The following RETREG1 variants were observed in gnomAD, a reference collection of about 807,000 sequenced individuals.
RETREG1 encodes reticulophagy regulator 1.
In RETREG1, 44 loss-of-function variants were observed where a neutral mutation model predicts 54.8. That is an observed-to-expected ratio of 0.80 (90% CI 0.63 to 1.03). RETREG1 has a LOEUF of 1.03. RETREG1 is among the 50% of genes least tolerant of loss of function. The probability of loss-of-function intolerance (pLI) is 0.00; values close to 1 mark genes in which losing one functional copy is unlikely to be tolerated. For synonymous variants in RETREG1, 217 were observed against 238.5 expected (o/e 0.91, Z 0.83); for missense variants, 554 against 605.1 (o/e 0.92, Z 0.89).
At chr5:16,588,077 A>G (rs2126335141) in intron 1 of RETREG1, among the ~76,000 whole-genome samples, 1 of 152,310 alleles carries the variant, frequency 6.6e-6, no homozygotes, top group Non-Finnish European at 1.5e-5. Flanking sequence ...TCACTTCCAG[A>G]GCTGGGACTG....
At chr5:16,599,216 G>GA (rs1561134965) in intron 1 of RETREG1, among the ~76,000 whole-genome samples, 1 of 152,022 alleles carries the variant, frequency 6.6e-6, no homozygotes, top group Non-Finnish European at 1.5e-5. Flanking sequence ...CAATAAAAAG[G>GA]AAAAAATAAG....
chr5:16,539,200 C>T (rs1022777561), intron 3 of RETREG1, among the ~76,000 whole-genome samples: 1 of 152,078 alleles, frequency 6.6e-6, no homozygotes, highest in Admixed American at 6.6e-5. Context: ...AGGGGGCCAC[C>T]CGAGGGAGGA....
At chr5:16,479,340 T>C (rs1399858281) in intron 5 of RETREG1, among the ~76,000 whole-genome samples, 1 of 152,134 alleles carries the variant, frequency 6.6e-6, no homozygotes, top group Non-Finnish European at 1.5e-5. Context: ...ACTCCCTCCT[T>C]TCAATCCTTT....
chr5:16,576,680 T>A (rs913245933), intron 1 of RETREG1, among the ~76,000 whole-genome samples: 1 of 152,114 alleles, frequency 6.6e-6, no homozygotes, highest in Non-Finnish European at 1.5e-5. Context: ...AGACGGGGTC[T>A]CTCCATGTTG....
chr5:16,613,601 A>C (rs1743411285), intron 1 of RETREG1, among the ~76,000 whole-genome samples: 2 of 152,250 alleles, frequency 1.3e-5, no homozygotes, highest in South Asian at 4.1e-4. Flanking sequence ...TCAGACTCCT[A>C]AAACCCACTG....
chr5:16,592,289 C>T (rs182991432), intron 1 of RETREG1, among the ~76,000 whole-genome samples: 127 of 152,026 alleles, frequency 8.4e-4, no homozygotes, highest in Non-Finnish European at 2.1e-4. Context: ...AGTCAAGAAG[C>T]GTATGAAAAA....
At chr5:16,562,533 A>G (rs917241634) in intron 3 of RETREG1, among the ~76,000 whole-genome samples, 12 of 152,124 alleles carry the variant, frequency 7.9e-5, no homozygotes, top group African/African-American at 2.9e-4. Flanking sequence ...AGTTTCCCCA[A>G]TAGACTCTCC....
intron 3 of RETREG1, among the ~76,000 whole-genome samples, chr5:16,517,407 AC>A: frequency 6.6e-6 from 1 of 152,246 alleles, no homozygotes. Flanking sequence ...CAGCAATAGT[AC>A]AAAGCACGAT....
intron 1 of RETREG1, among the ~76,000 whole-genome samples, chr5:16,575,570 C>CA (rs1468948728): frequency 5.3e-5 from 8 of 152,356 alleles, no homozygotes; most frequent in Non-Finnish European, 1.2e-4. Flanking sequence ...GCCAGGACTG[C>CA]AACCCACAGG....
At chr5:16,568,024 A>G (rs1169834155) in intron 2 of RETREG1, among the ~76,000 whole-genome samples, 1 of 152,108 alleles carries the variant, frequency 6.6e-6, no homozygotes, top group Admixed American at 6.5e-5. Flanking sequence ...TTCTATCTCA[A>G]TGAGAGAGAA....
chr5:16,533,335 G>A (rs1325618840), intron 3 of RETREG1, among the ~76,000 whole-genome samples: 11 of 152,210 alleles, frequency 7.2e-5, no homozygotes, highest in East Asian at 1.9e-4. Context: ...GAGCCACCAC[G>A]CCCGGCTGAT....
chr5:16,537,198 C>G (rs1741098508), intron 3 of RETREG1, among the ~76,000 whole-genome samples: 2 of 152,196 alleles, frequency 1.3e-5, no homozygotes, highest in South Asian at 4.1e-4. Flanking sequence ...CACACTGCGA[C>G]CTCCCAATTA....
intron 3 of RETREG1, among the ~76,000 whole-genome samples, chr5:16,508,030 CA>C (rs1740028237): frequency 6.6e-6 from 1 of 151,962 alleles, no homozygotes; most frequent in Non-Finnish European, 1.5e-5. Flanking sequence ...TCCCCCTTCT[CA>C]GAGTTAGATA....
chr5:16,565,560 T>C (rs1741981849), intron 3 of RETREG1, among the ~76,000 whole-genome samples: 1 of 152,148 alleles, frequency 6.6e-6, no homozygotes, highest in African/African-American at 2.4e-5. Context: ...CATAGCAAGA[T>C]ACACAGCACT....
At chr5:16,568,516 A>G (rs999316180) in intron 2 of RETREG1, among the ~76,000 whole-genome samples, 8 of 152,052 alleles carry the variant, frequency 5.3e-5, no homozygotes, top group Admixed American at 1.3e-4. Context: ...CAAGTGATCC[A>G]CCTGCCTCGG....
At chr5:16,578,911 CA>C (rs1466425370) in intron 1 of RETREG1, among the ~76,000 whole-genome samples, 1 of 152,190 alleles carries the variant, frequency 6.6e-6, no homozygotes, top group Non-Finnish European at 1.5e-5. Flanking sequence ...GGGCAGAAAA[CA>C]GAGCCAGTAA....
intron 1 of RETREG1, among the ~76,000 whole-genome samples, chr5:16,599,267 C>A (rs1382357994): frequency 1.3e-5 from 2 of 152,102 alleles, no homozygotes; most frequent in East Asian, 3.9e-4. Context: ...TAATGAAATG[C>A]CATTCTCATG....
intron 1 of RETREG1, among the ~76,000 whole-genome samples, chr5:16,606,520 G>A (rs943526527): frequency 9.2e-5 from 14 of 152,082 alleles, no homozygotes; most frequent in Non-Finnish European, 1.3e-4. Context: ...CTACAGCCAC[G>A]TCCACTGCAA....
chr5:16,615,392 T>A, intron 1 of RETREG1, among the ~76,000 whole-genome samples: 1 of 101,800 alleles, frequency 9.8e-6, no homozygotes, highest in African/African-American at 4.1e-5. Flanking sequence ...AGAGTGAGAC[T>A]CCATCTCAAA....
Sources: gnomAD v4.1 joint callset for allele counts (sites outside exome capture counted in the v4.1 genomes callset) on GRCh38, gnomAD v4.1.1 for gene constraint, MANE v1.5 for transcripts, NCBI Gene and HGNC (gene_info 2026-07-23, HGNC 2026-07-21) for gene names.